The following NTM variants were observed in gnomAD, a reference collection of about 807,000 sequenced individuals.
NTM encodes neurotrimin, also known as IgLON family member 2.
A neutral mutation model predicts 42.1 loss-of-function variants in NTM; 13 were observed. The ratio of observed to expected loss-of-function variants is 0.31; its 90% CI spans 0.20 to 0.49. The LOEUF is 0.49. NTM is among the 20% of genes least tolerant of loss of function. The pLI is 0.99. For missense variants in NTM, 373 were observed against 452.8 expected (o/e 0.82, Z 1.60); for synonymous variants, 187 against 179.2 (o/e 1.04, Z -0.35).
intron 1 of NTM, among the ~76,000 whole-genome samples, chr11:131,497,361 G>A (rs999596401): frequency 8.9e-6 from 1 of 111,792 alleles, no homozygotes; most frequent in Non-Finnish European, 1.9e-5. Context: ...GCTAACTTTT[G>A]TATTTTTAGT....
At position 131,789,484 on chromosome 11, in the gene NTM, GAA is replaced by G. The variant is rs746754202; in HGVS notation, c.83-122079_83-122078del. On this transcript the variant is annotated intron_variant, in intron 1 of 8. Coordinates refer to ENST00000683400, the MANE Select transcript of NTM (RefSeq NM_001352005.2). ...AGAAGAAGAAGAAGAAGAAGAAGAA[GAA>G]GAAGAGGAAAGAAGAAGAAGAAGAA... Among the ~76,000 whole-genome samples, 19 of 9,086 alleles carry G rather than the reference GAA, an allele frequency of 2.1e-3. 3 individuals carry two copies. Among genetic ancestry groups the G allele is most frequent in the East Asian group, 5.2e-3 (2 of 382 alleles). 6.0% of individuals were successfully genotyped at this position (9,086 alleles called of 152,430 possible). A position where few individuals can be genotyped will look rare whatever the true frequency, so the allele number is the denominator to read the frequency against.
chr11:131,569,619 C>G (rs2057264038), intron 1 of NTM, among the ~76,000 whole-genome samples: 1 of 147,648 alleles, frequency 6.8e-6, no homozygotes, highest in African/African-American at 2.5e-5. Flanking sequence ...ACTCTGTTGC[C>G]CAGGCTGGAC....
chr11:131,865,514 A>G (rs2047042481), intron 1 of NTM, among the ~76,000 whole-genome samples: 1 of 152,218 alleles, frequency 6.6e-6, no homozygotes, highest in African/African-American at 2.4e-5. Context: ...TGGTTTAAAA[A>G]TCAAAACCCA....
chr11:132,044,653 C>T (rs548873121), intron 2 of NTM, among the ~76,000 whole-genome samples: 6 of 152,226 alleles, frequency 3.9e-5, no homozygotes, highest in East Asian at 1.9e-4. Context: ...TTGGGACCTT[C>T]GCCAGTGCAT....
chr11:131,823,336 G>A (rs894522396), intron 1 of NTM, among the ~76,000 whole-genome samples: 13 of 152,144 alleles, frequency 8.5e-5, no homozygotes, highest in Non-Finnish European at 1.3e-4. Context: ...TAAATCTCTC[G>A]GTTTTGTTCT....
intron 2 of NTM, among the ~76,000 whole-genome samples, chr11:132,057,024 A>G (rs1231795587): frequency 6.6e-6 from 1 of 152,246 alleles, no homozygotes; most frequent in East Asian, 1.9e-4. Context: ...CTTCCCCCAC[A>G]GAAAAATGAA....
intron 1 of NTM, among the ~76,000 whole-genome samples, chr11:131,756,169 AG>A (rs2083304850): frequency 6.6e-6 from 1 of 152,196 alleles, no homozygotes; most frequent in Non-Finnish European, 1.5e-5. Context: ...GGTGGTAGGA[AG>A]GGGGAAGTCA....
intron 4 of NTM, among the ~76,000 whole-genome samples, chr11:132,213,730 CTTTTTTTTTTTT>C (rs59685389): frequency 1.2e-5 from 1 of 80,538 alleles, no homozygotes; most frequent in African/African-American, 4.9e-5. Context: ...GGCCACCATT[CTTTTTTTTTTTT>C]TTTTTTTTTT....
At chr11:131,491,755 T>G (rs964463032) in intron 1 of NTM, among the ~76,000 whole-genome samples, 1 of 152,098 alleles carries the variant, frequency 6.6e-6, no homozygotes, top group African/African-American at 2.4e-5. Flanking sequence ...AGATGAGGAA[T>G]GAGAACAGCT....
chr11:131,580,957 A>G (rs1179109192), intron 1 of NTM, among the ~76,000 whole-genome samples: 1 of 152,230 alleles, frequency 6.6e-6, no homozygotes, highest in Non-Finnish European at 1.5e-5. Context: ...AGTAAGAGCT[A>G]TGCTTGGTCA....
chr11:131,895,652 ATATT>A (rs1308107755), intron 1 of NTM, among the ~76,000 whole-genome samples: 2 of 151,962 alleles, frequency 1.3e-5, no homozygotes, highest in African/African-American at 4.8e-5. Context: ...ATATATATAT[ATATT>A]ATTTCACATT....
At chr11:132,133,040 G>A (rs569787540) in intron 2 of NTM, among the ~76,000 whole-genome samples, 5 of 152,282 alleles carry the variant, frequency 3.3e-5, no homozygotes, top group South Asian at 2.1e-4. Context: ...GGAGATGCTC[G>A]CTGTCATCCA....
At chr11:131,935,600 G>T (rs1201291306) in intron 2 of NTM, among the ~76,000 whole-genome samples, 1 of 152,082 alleles carries the variant, frequency 6.6e-6, no homozygotes, top group Non-Finnish European at 1.5e-5. Context: ...ATGAGGATAG[G>T]TGGGGGAGGG....
At chr11:132,116,465 T>C (rs1289106117) in intron 2 of NTM, among the ~76,000 whole-genome samples, 1 of 152,214 alleles carries the variant, frequency 6.6e-6, no homozygotes. Context: ...AGTTTCTGGA[T>C]ACAGAGCAAG....
chr11:131,434,550 G>GT (rs1360177080), intron 1 of NTM, among the ~76,000 whole-genome samples: 2 of 152,018 alleles, frequency 1.3e-5, no homozygotes, highest in African/African-American at 4.8e-5. Flanking sequence ...GATGATGAGT[G>GT]TTTTTTTCAT....
Position 131,815,341 on chromosome 11 carries a change from G to T in NTM, c.83-96223G>T, listed in dbSNP as rs547096624. Among the ~76,000 whole-genome samples, 5 of 151,990 alleles carry T rather than the reference G, an allele frequency of 3.3e-5. No homozygotes were observed. In the East Asian group the frequency reaches 9.8e-4, roughly 30 times the overall value. On this transcript the variant is annotated intron_variant, in intron 1 of 8. Coordinates refer to ENST00000683400, the MANE Select transcript of NTM (RefSeq NM_001352005.2). ...CAGCTCTCTGCCCTCTTGTATGCTGGGCCAGCTTCCCCACCCTCCATCCCA... is the reference window on the plus strand; with the variant it reads ...CAGCTCTCTGCCCTCTTGTATGCTGTGCCAGCTTCCCCACCCTCCATCCCA...
At chr11:131,529,342 C>T (rs1240774208) in intron 1 of NTM, among the ~76,000 whole-genome samples, 2 of 152,234 alleles carry the variant, frequency 1.3e-5, no homozygotes, top group Non-Finnish European at 2.9e-5. Context: ...GAGTGGAACC[C>T]TTAGGTTGTT....
chr11:131,932,276 G>T (rs897466773), intron 2 of NTM, among the ~76,000 whole-genome samples: 1 of 152,186 alleles, frequency 6.6e-6, no homozygotes, highest in Non-Finnish European at 1.5e-5. Flanking sequence ...GGGGCGGGTC[G>T]ATGGGAAAGG....
intron 1 of NTM, among the ~76,000 whole-genome samples, chr11:131,529,504 C>T (rs182497700): frequency 3.2e-4 from 49 of 152,258 alleles, no homozygotes; most frequent in Non-Finnish European, 5.4e-4. Flanking sequence ...CAGACAGGCT[C>T]ATCAGTGCCC....
Sources: gnomAD v4.1 joint callset for allele counts (sites outside exome capture counted in the v4.1 genomes callset) on GRCh38, gnomAD v4.1.1 for gene constraint, MANE v1.5 for transcripts, NCBI Gene and HGNC (gene_info 2026-07-23, HGNC 2026-07-21) for gene names.